The following OSBPL7 variants were observed in gnomAD, a reference collection of about 807,000 sequenced individuals.
OSBPL7 encodes oxysterol binding protein like 7, also known as oxysterol-binding protein-related protein 7.
A neutral mutation model predicts 115.8 loss-of-function variants in OSBPL7; 66 were observed. That is an observed-to-expected ratio of 0.57 (90% CI 0.47 to 0.70). The LOEUF is 0.70. Among genes scored for constraint, OSBPL7 ranks in the 30% least tolerant of loss-of-function variants. The probability of loss-of-function intolerance (pLI) is 0.00; values close to 1 mark genes in which losing one functional copy is unlikely to be tolerated. For missense variants in OSBPL7, 902 were observed against 1,125.5 expected, an observed-to-expected ratio of 0.80 and a Z score of 2.84; for synonymous variants, 441 against 439.2, an observed-to-expected ratio of 1.00 and a Z score of -0.05.
chr17:47,813,752 G>C lies in OSBPL7; in HGVS notation c.1434C>G (p.Ser478Arg). 6.2e-7 allele frequency: 1 copy of C among 1,613,312 alleles called. No homozygotes were observed. The highest frequency in any genetic ancestry group is 8.5e-7 in the Non-Finnish European group (1 of 1,179,940). ...PAASGPGADV[S>R]LWNILRNNIG... ...TGTTGTTGCGCAGAATGTTCCACAGGCTCACGTCAGCCCCAGGCCCGCTGG... is the reference window on the plus strand; with the variant it reads ...TGTTGTTGCGCAGAATGTTCCACAGCCTCACGTCAGCCCCAGGCCCGCTGG... Residue 478 changes from serine to arginine, a missense_variant, in exon 15 of 23, where the codon AGC (serine) becomes AGG (arginine). Ser to Arg is a moderately radical substitution (Grantham distance 110). This residue lies in a region of OSBPL7 where 667 missense variants were observed against 788.7 expected (regional missense o/e 0.85). Coordinates refer to ENST00000007414, the MANE Select transcript of OSBPL7 (RefSeq NM_145798.3).
chr17:47,816,112 C>T lies in OSBPL7; in HGVS notation c.1114G>A (p.Glu372Lys), dbSNP rs1480926809. 3.9e-6 allele frequency: 6 copies of T among 1,550,702 alleles called. No individual in the cohort carries two copies. In the Admixed American group the frequency reaches 5.9e-5, roughly 15 times the overall value. Residue 372 changes from glutamate to lysine, a missense_variant, in exon 12 of 23, where the codon GAG becomes AAG. Glu to Lys is a moderately conservative substitution (Grantham distance 56, BLOSUM62 1). Transcript: ENST00000007414. This position sits in a 1 kb window ranked among gnomAD's most constrained non-coding sequence, Gnocchi z 5.8. ...TADSFSSLNP[E>K]EQEALYMKGR... ...AGCCCACCCTGGCTCCTCACCTCCT[C>T]AGGGTTGAGGGAGCTGAAAGAGTCC...
At chr17:47,820,596 A>G (rs2033368711) in intron 1 of OSBPL7, 1 of 302,852 alleles carries the variant, frequency 3.3e-6, no homozygotes, top group Non-Finnish European at 6.2e-6. Context: ...AGGGAAAACC[A>G]CAAGACATAT....
At chr17:47,819,934 C>G in intron 3 of OSBPL7, 37 bp downstream of exon 3, 1 of 1,588,780 alleles carries the variant, frequency 6.3e-7, no homozygotes, top group South Asian at 1.1e-5. Context: ...CACCCCGCCC[C>G]CCATGTCTGG....
In OSBPL7 at chr17:47,815,103, C is replaced by T; in HGVS notation, c.1257+112G>A. ...GATCTGGACATAGTCCCAGAGATAG[C>T]AGCTGAGGTGGTGAGAAGGGGCTGA... On this transcript the variant is annotated intron_variant, in intron 13 of 22. Transcript: ENST00000007414. The T allele has an allele frequency of 2.2e-6, 3 of 1,375,150 alleles. No individual in the cohort carries two copies. The South Asian group carries it at 4.1e-5, about 19-fold the overall frequency. 85.2% of individuals were successfully genotyped at this position (1,375,150 alleles called of 1,614,324 possible).
rs1156693070 is a variant in OSBPL7 at position 47,813,406 on chromosome 17, G to GT, written c.1600-4dup. The GT allele has an allele frequency of 6.2e-7, 1 of 1,613,746 alleles. No homozygotes were observed. The highest frequency in any genetic ancestry group is 8.5e-7 in the Non-Finnish European group (1 of 1,180,022). On this transcript the variant is annotated splice_region_variant and splice_polypyrimidine_tract_variant and intron_variant, in intron 15 of 22. Transcript: ENST00000007414. ...ACAGCAAAGGCTGCGATGTACACCT[G>GT]TGGGGGGCAAGGAAGGTGCAGGGTA... is the stretch of plus-strand genomic sequence containing the variant.
chr17:47,814,658 C>CT, intron 13 of OSBPL7, 44 bp from the exon 14 acceptor site: 1 of 1,582,208 alleles, frequency 6.3e-7, no homozygotes. Context: ...GGGCCTCCCC[C>CT]GGGCAGCTGG....
At chr17:47,821,617 G>A (rs892142547) in intron 1 of OSBPL7, 49 bp downstream of exon 1, 1 of 152,350 alleles carries the variant, frequency 6.6e-6, no homozygotes, top group Non-Finnish European at 1.5e-5. Flanking sequence ...CTTCAGGTGG[G>A]AGGAAGCTCT....
chr17:47,817,584 T>C (rs145157315), intron 7 of OSBPL7, among the ~76,000 whole-genome samples: 2 of 152,196 alleles, frequency 1.3e-5, no homozygotes, highest in East Asian at 1.9e-4. Flanking sequence ...AGAGATGGGG[T>C]TCCACTATGT....
At chr17:47,819,921 T>TCCCCCCCC in intron 3 of OSBPL7, 50 bp downstream of exon 3, 1 of 1,343,800 alleles carries the variant, frequency 7.4e-7, no homozygotes, top group Admixed American at 1.8e-5. Context: ...TGCCCCCCAT[T>TCCCCCCCC]CCCACCCCGC....
At chr17:47,819,805 C>T (rs781375460) in intron 3 of OSBPL7, 23 bp from the exon 4 acceptor site, 2 of 1,613,972 alleles carry the variant, frequency 1.2e-6, no homozygotes, top group African/African-American at 1.3e-5. Flanking sequence ...CCAGGAGTGA[C>T]AGGACCCGGG....
chr17:47,818,969 C>T lies in OSBPL7; in HGVS notation c.369+17G>A, dbSNP rs890915643. On this transcript the variant is annotated intron_variant, in intron 5 of 22. Coordinates refer to ENST00000007414, the MANE Select transcript of OSBPL7 (RefSeq NM_145798.3). The stretch of plus-strand genomic sequence containing the variant: ...AGGTTGGGGGCCAACACACGTCCTG[C>T]CTCCCAGGGATGTCACCTTGAGGTG... The T allele has an allele frequency of 5.6e-6, 9 of 1,607,060 alleles. No individual in the cohort carries two copies. Among genetic ancestry groups the T allele is most frequent in the Admixed American group, 1.7e-5 (1 of 60,004 alleles).
chr17:47,815,252 C>A lies in OSBPL7; in HGVS notation c.1220G>T (p.Cys407Phe). The change falls in exon 13 of 23, where the codon TGC (cysteine) becomes TTC (phenylalanine). Residue 407 changes from cysteine to phenylalanine, a missense_variant. Cys to Phe is a radical substitution (Grantham distance 205). This residue lies in a region of OSBPL7 where 667 missense variants were observed against 788.7 expected (regional missense o/e 0.85). Transcript: ENST00000007414. The part of the protein sequence containing the change: ...ADSHTEFFDA[C>F]EVLLSASSSE... The stretch of plus-strand genomic sequence containing the variant: ...AGAGCTGGCGGAGAGGAGAACCTCG[C>A]AGGCATCGAAGAACTCCGTGTGGGA... The A allele has an allele frequency of 6.2e-7, 1 of 1,613,896 alleles. No individual in the cohort carries two copies.
At chr17:47,811,053 C>T (rs993010158) in intron 16 of OSBPL7, among the ~76,000 whole-genome samples, 2 of 151,904 alleles carry the variant, frequency 1.3e-5, no homozygotes, top group Non-Finnish European at 2.9e-5. Flanking sequence ...TCCTCAGAAG[C>T]TCCCCTGGCT....
chr17:47,819,194 G>C, intron 4 of OSBPL7, 95 bp from the exon 5 acceptor site: 3 of 1,005,406 alleles, frequency 3.0e-6, no homozygotes, highest in Non-Finnish European at 4.6e-6. Flanking sequence ...TAGGCTCAAG[G>C]GCCAGGTGGC....
At chr17:47,815,500 G>T in intron 12 of OSBPL7, 148 bp from the exon 13 acceptor site, 1 of 984,760 alleles carries the variant, frequency 1.0e-6, no homozygotes. Context: ...AAGAGGCAGA[G>T]AGGAGTGAGA....
At chr17:47,817,581 G>A (rs2033266628) in intron 7 of OSBPL7, among the ~76,000 whole-genome samples, 1 of 152,016 alleles carries the variant, frequency 6.6e-6, no homozygotes, top group Non-Finnish European at 1.5e-5. Flanking sequence ...AGTAGAGATG[G>A]GGTTCCACTA....
chr17:47,810,530 G>GC, intron 18 of OSBPL7, 64 bp downstream of exon 18: 3 of 1,447,658 alleles, frequency 2.1e-6, no homozygotes, highest in Non-Finnish European at 2.9e-6. Context: ...CTAAGGCCAC[G>GC]CCCCCTCCAG....
chr17:47,814,858 TG>T, intron 13 of OSBPL7: 1 of 578,858 alleles, frequency 1.7e-6, no homozygotes, highest in Non-Finnish European at 3.1e-6. Context: ...AGGGACTTGA[TG>T]GGACACAGAG....
chr17:47,820,162 T>G, intron 2 of OSBPL7, 42 bp downstream of exon 2: 1 of 1,613,526 alleles, frequency 6.2e-7, no homozygotes, highest in Non-Finnish European at 8.5e-7. Context: ...CCCTGTCTGG[T>G]TCCAGCTTGG....
Sources: gnomAD v4.1 joint callset for allele counts (sites outside exome capture counted in the v4.1 genomes callset) on GRCh38, gnomAD v4.1.1 for gene constraint, gnomAD v4.1.1 regional missense constraint, Gnocchi (gnomAD v3.1) non-coding constraint, MANE v1.5 for transcripts, NCBI Gene and HGNC (gene_info 2026-07-23, HGNC 2026-07-21) for gene names.